C3orf18: variants seen among roughly 807,000 people sequenced by gnomAD.
C3orf18 encodes the protein uncharacterized protein C3orf18.
A neutral mutation model predicts 14.1 loss-of-function variants in C3orf18; 12 were observed. That is an observed-to-expected ratio of 0.85 (90% CI 0.55 to 1.38). C3orf18 has a LOEUF of 1.38. Among genes scored for constraint, C3orf18 ranks in the 40% most tolerant of loss-of-function variants. The probability of loss-of-function intolerance (pLI) is 0.00; values close to 1 mark genes in which losing one functional copy is unlikely to be tolerated. For missense variants in C3orf18, 196 were observed against 213.9 expected, an observed-to-expected ratio of 0.92 and a Z score of 0.52; for synonymous variants, 82 against 87.9, an observed-to-expected ratio of 0.93 and a Z score of 0.38.
At chr3:50,561,986 G>A (rs138179658) in intron 3 of C3orf18, 25 of 599,856 alleles carry the variant, frequency 4.2e-5, no homozygotes, top group African/African-American at 3.4e-4. Context: ...TGCAACCTTC[G>A]CCTCCAAGGT....
upstream of C3orf18, among the ~76,000 whole-genome samples, chr3:50,568,725 C>CAAAAAAAAAAAAAAAAAA (rs66828816): frequency 1.2e-5 from 1 of 84,040 alleles, no homozygotes; most frequent in African/African-American, 4.5e-5. Flanking sequence ...AACTCCGTCT[C>CAAAAAAAAAAAAAAAAAA]AAAAAAAAAA....
At chr3:50,570,335 A>C (rs1023846956), upstream of C3orf18, 1 of 152,200 alleles carries the variant, frequency 6.6e-6, no homozygotes, top group African/African-American at 2.4e-5. Context: ...TACAATTGTA[A>C]ATTTTTTAGT....
chr3:50,574,336 T>C (rs1701339938), upstream of C3orf18, among the ~76,000 whole-genome samples: 2 of 152,216 alleles, frequency 1.3e-5, no homozygotes, highest in Non-Finnish European at 2.9e-5. Context: ...GGCTGTTATC[T>C]ACCCCTGCCC....
chr3:50,562,556 G>A (rs1451958403), intron 3 of C3orf18: 2 of 455,486 alleles, frequency 4.4e-6, no homozygotes, highest in East Asian at 1.4e-4. Flanking sequence ...AGGAGTTCAA[G>A]TCCAGCCTGG....
intron 4 of C3orf18, among the ~76,000 whole-genome samples, chr3:50,561,398 T>G (rs1332811441): frequency 6.6e-6 from 1 of 152,124 alleles, no homozygotes; most frequent in Non-Finnish European, 1.5e-5. Flanking sequence ...GGGGAGCCAG[T>G]AGCAGTCAGC....
At chr3:50,571,099 T>C (rs749529733), upstream of C3orf18, 2 of 1,577,076 alleles carry the variant, frequency 1.3e-6, no homozygotes, top group East Asian at 2.3e-5. Flanking sequence ...AACCTTTCCC[T>C]GAGACATGGA....
chr3:50,571,045 C>A, upstream of C3orf18: 1 of 1,341,186 alleles, frequency 7.5e-7, no homozygotes, highest in Non-Finnish European at 1.0e-6. Flanking sequence ...ACCTCAGCAG[C>A]TGACATCATA....
At chr3:50,567,003 T>A (rs1700347895) in intron 1 of C3orf18, among the ~76,000 whole-genome samples, 1 of 152,096 alleles carries the variant, frequency 6.6e-6, no homozygotes, top group East Asian at 1.9e-4. Flanking sequence ...TGCAGATGCA[T>A]GGGCGTGTGT....
chr3:50,567,544 C>A lies in C3orf18; in HGVS notation c.-333G>T, dbSNP rs1700404120. 6.6e-6 allele frequency: 1 copy of A among 152,310 alleles called. No homozygotes were observed. The highest frequency in any genetic ancestry group is 6.5e-5 in the Admixed American group (1 of 15,290). The allele number at this position is 152,310 out of a possible 1,614,324, so 9.4% of individuals were successfully genotyped here. On this transcript the variant is annotated 5_prime_UTR_variant, in exon 1 of 6. Transcript: ENST00000357203. ...CAGGAGGCCGGGGCGGGGGGAACCC[C>A]CAAGCCCGGCGTCTGGGGCTGCGGG...
In C3orf18 at chr3:50,565,370, A is replaced by G; in HGVS notation, c.234+96T>C. 1 of 987,620 alleles carries G rather than the reference A, an allele frequency of 1.0e-6. No homozygotes were observed. Among genetic ancestry groups the G allele is most frequent in the Non-Finnish European group, 1.5e-6 (1 of 654,296 alleles). The allele number at this position is 987,620 out of a possible 1,614,324, so 61.2% of individuals were successfully genotyped here. On this transcript the variant is annotated intron_variant, in intron 3 of 5. Transcript: ENST00000357203. This position sits in a 1 kb window ranked among gnomAD's most constrained non-coding sequence, Gnocchi z 4.4. ...TGACAGAGCAAGACTCTGTCTCAAA[A>G]ACAACAATAACAACAACCAGATTGT...
upstream of C3orf18, chr3:50,571,546 G>A (rs1700959169): frequency 2.7e-6 from 2 of 736,688 alleles, no homozygotes; most frequent in South Asian, 3.2e-5. Context: ...TGGAAGCCTG[G>A]TGTTAGCTGT....
chr3:50,569,749 G>C (rs1235714303), upstream of C3orf18: 4 of 152,324 alleles, frequency 2.6e-5, no homozygotes, highest in Non-Finnish European at 4.4e-5. Flanking sequence ...TTCTGACTTC[G>C]GGCCTTGGCT....
intron 3 of C3orf18, among the ~76,000 whole-genome samples, chr3:50,564,650 G>A (rs1208413897): frequency 6.6e-6 from 1 of 152,182 alleles, no homozygotes; most frequent in Non-Finnish European, 1.5e-5. Context: ...GCAGGACCTT[G>A]TCTTCCCAGC....
chr3:50,562,350 A>G (rs1700034391), intron 3 of C3orf18: 1 of 395,218 alleles, frequency 2.5e-6, no homozygotes, highest in East Asian at 7.1e-5. Context: ...TACTAACTGT[A>G]GCTCCAGCCA....
intron 3 of C3orf18, among the ~76,000 whole-genome samples, chr3:50,564,483 T>C (rs1248766848): frequency 6.6e-6 from 1 of 152,200 alleles, no homozygotes; most frequent in African/African-American, 2.4e-5. Flanking sequence ...GCTTCCACTT[T>C]GAGGTCTCAG....
chr3:50,566,430 G>T (rs1700299005), intron 1 of C3orf18, among the ~76,000 whole-genome samples: 1 of 152,110 alleles, frequency 6.6e-6, no homozygotes, highest in South Asian at 2.1e-4. Flanking sequence ...CAGGGTCATG[G>T]GGTTACAGAA....
At chr3:50,560,276 T>C (rs1699883903) in intron 5 of C3orf18, among the ~76,000 whole-genome samples, 2 of 152,342 alleles carry the variant, frequency 1.3e-5, no homozygotes, top group East Asian at 1.9e-4. Context: ...GGCCTGCTCA[T>C]GGTGCTCTGG....
At position 50,561,014 on chromosome 3, in the gene C3orf18, GTGGGGTCGAAGTTGTACA is replaced by G; in HGVS notation, c.293_310del (p.Met98_Pro103del). 3 of 1,614,164 alleles carry G rather than the reference GTGGGGTCGAAGTTGTACA, an allele frequency of 1.9e-6. No individual in the cohort carries two copies. Among genetic ancestry groups the G allele is most frequent in the Non-Finnish European group, 2.5e-6 (3 of 1,180,002 alleles). ...CTGCTCCAACTCATCTTGTTCCTCC[GTGGGGTCGAAGTTGTACA>G]TGGGCATGAGCTGGTGGCGTAGCTT... is the stretch of plus-strand genomic sequence containing the variant. On this transcript the variant is annotated inframe_deletion, in exon 5 of 6. Coordinates refer to ENST00000357203, the MANE Select transcript of C3orf18 (RefSeq NM_016210.5).
In C3orf18 at chr3:50,565,801, T is replaced by C; in HGVS notation, c.-102A>G. The C allele has an allele frequency of 2.4e-6, 2 of 829,900 alleles. No individual in the cohort carries two copies. Among genetic ancestry groups the C allele is most frequent in the East Asian group, 2.7e-5 (1 of 37,392 alleles). 51.4% of individuals were successfully genotyped at this position (829,900 alleles called of 1,614,324 possible). A position where few individuals can be genotyped will look rare whatever the true frequency, so the allele number is the denominator to read the frequency against. On this transcript the variant is annotated 5_prime_UTR_variant, in exon 3 of 6. Coordinates refer to ENST00000357203, the MANE Select transcript of C3orf18 (RefSeq NM_016210.5). The surrounding 1 kb of genome is among the most constrained non-coding windows in gnomAD (Gnocchi z 4.4). ...GCCCCAGCCTGTGGTTCCTGCCACC[T>C]GTGGTGGCCACCTGCACAGCCACCT...
Sources: gnomAD v4.1 joint callset for allele counts (sites outside exome capture counted in the v4.1 genomes callset) on GRCh38, gnomAD v4.1.1 for gene constraint, Gnocchi (gnomAD v3.1) non-coding constraint, MANE v1.5 for transcripts, NCBI Gene and HGNC (gene_info 2026-07-23, HGNC 2026-07-21) for gene names.